Variants in NBPF4 observed in about 807,000 individuals in gnomAD.
NBPF4 encodes NBPF family member NBPF4.
A neutral mutation model predicts 21.1 loss-of-function variants in NBPF4; 11 were observed. That is an observed-to-expected ratio of 0.52 (90% CI 0.33 to 0.86). The LOEUF is 0.86. Ranked by LOEUF, NBPF4 falls within the 40% of genes least tolerant of loss-of-function variation. The pLI is 0.03. For synonymous variants in NBPF4, 47 were observed against 106.4 expected (o/e 0.44, Z 3.43); for missense variants, 88 against 265.3 (o/e 0.33, Z 4.64).
In NBPF4 at chr1:108,223,452, C is replaced by T. The variant is rs1388755760; in HGVS notation, c.*253G>A. The T allele has an allele frequency of 2.2e-6, 1 of 446,660 alleles. No individual in the cohort carries two copies. The highest frequency in any genetic ancestry group is 3.9e-5 in the Admixed American group (1 of 25,576). 27.7% of individuals were successfully genotyped at this position (446,660 alleles called of 1,614,324 possible). ...TCTCTACACGATGGGAATTGAGAAACAGGGCTAACGCCGGTCAATGCTATT... is the reference window on the plus strand; with the variant it reads ...TCTCTACACGATGGGAATTGAGAAATAGGGCTAACGCCGGTCAATGCTATT... On this transcript the variant is annotated 3_prime_UTR_variant, in exon 15 of 15. Transcript: ENST00000415641.
chr1:108,254,296 C>T, the NBPF4 span, among the ~76,000 whole-genome samples: 1 of 10,012 alleles, frequency 1.0e-4, no homozygotes, highest in Non-Finnish European at 1.8e-4. Flanking sequence ...AGGCTGGTCT[C>T]ATCCTCCTGA....
the NBPF4 span, among the ~76,000 whole-genome samples, chr1:108,265,022 G>T: frequency 6.6e-6 from 1 of 151,256 alleles, no homozygotes; most frequent in Non-Finnish European, 1.5e-5. Flanking sequence ...GCTAGCAGAA[G>T]ACAAGAAATA....
intron 12 of NBPF4, among the ~76,000 whole-genome samples, chr1:108,229,464 G>C (rs1401891780): frequency 6.6e-6 from 1 of 152,006 alleles, no homozygotes; most frequent in East Asian, 1.9e-4. Context: ...CCTGTGCCCA[G>C]AGGGAAAGTT....
the NBPF4 span, among the ~76,000 whole-genome samples, chr1:108,268,328 G>GA: frequency 6.7e-6 from 1 of 149,668 alleles, no homozygotes; most frequent in Non-Finnish European, 1.5e-5. Flanking sequence ...TAAGTTGGGA[G>GA]AAAATCAATG....
chr1:108,268,368 T>C, the NBPF4 span, among the ~76,000 whole-genome samples: 2 of 151,772 alleles, frequency 1.3e-5, no homozygotes, highest in African/African-American at 4.8e-5. Context: ...TAGAAAAAAG[T>C]AAGAAAGTTT....
At chr1:108,247,491 TG>T (rs1163777473), upstream of NBPF4, among the ~76,000 whole-genome samples, 6 of 152,084 alleles carry the variant, frequency 3.9e-5, no homozygotes, top group African/African-American at 1.4e-4. Flanking sequence ...TTACAGTTTA[TG>T]GGATGATTCT....
chr1:108,241,363 TAC>T (rs1320936790), intron 3 of NBPF4, among the ~76,000 whole-genome samples, 199 bp from the exon 4 acceptor site: 2 of 140,168 alleles, frequency 1.4e-5, no homozygotes, highest in Non-Finnish European at 1.5e-5. Context: ...CACACACACA[TAC>T]ATATATACAA....
chr1:108,243,894 C>CT lies in NBPF4; in HGVS notation c.-36+4dup, dbSNP rs1649758462. The CT allele has an allele frequency of 2.1e-6, 2 of 957,014 alleles. 1 individual carries two copies. The highest frequency in any genetic ancestry group is 2.7e-6 in the Non-Finnish European group (2 of 734,088). The allele number at this position is 957,014 out of a possible 1,614,324, so 59.3% of individuals were successfully genotyped here. On this transcript the variant is annotated splice_donor_region_variant and intron_variant, in intron 1 of 14. Transcript: ENST00000415641. ...AGATGACAATTACTGGAATTGTTAA[C>CT]TTACAGTTGAGAAAAAGTTGATGAA...
At chr1:108,265,466 TG>T in the NBPF4 span, among the ~76,000 whole-genome samples, 1 of 23,430 alleles carries the variant, frequency 4.3e-5, no homozygotes, top group Non-Finnish European at 9.0e-5. Flanking sequence ...GTTCAACCCT[TG>T]TGGAAGTCAG....
the NBPF4 span, among the ~76,000 whole-genome samples, chr1:108,268,503 A>G: frequency 3.3e-5 from 5 of 151,162 alleles, no homozygotes; most frequent in Non-Finnish European, 7.4e-5. Context: ...AATATTTTCT[A>G]AATTTTCAAG....
At chr1:108,257,334 C>T in the NBPF4 span, among the ~76,000 whole-genome samples, 2 of 147,530 alleles carry the variant, frequency 1.4e-5, no homozygotes, top group African/African-American at 5.0e-5. Flanking sequence ...AAACTTTTAT[C>T]TTTTCTTTGT....
the NBPF4 span, among the ~76,000 whole-genome samples, chr1:108,268,644 C>A: frequency 6.6e-6 from 1 of 150,428 alleles, no homozygotes; most frequent in East Asian, 2.0e-4. Context: ...CTCTATTTAG[C>A]TACATCAACT....
At chr1:108,257,437 A>G in the NBPF4 span, among the ~76,000 whole-genome samples, 2 of 151,340 alleles carry the variant, frequency 1.3e-5, no homozygotes, top group South Asian at 4.2e-4. Context: ...TGAATACTAG[A>G]ACTTACTCCT....
At chr1:108,250,300 ATTCT>A in the NBPF4 span, among the ~76,000 whole-genome samples, 2 of 129,154 alleles carry the variant, frequency 1.5e-5, no homozygotes, top group African/African-American at 5.8e-5. Flanking sequence ...GACAGCTTCA[ATTCT>A]TTCTTTTCAA....
chr1:108,229,267 C>T, intron 12 of NBPF4, 111 bp from the exon 13 acceptor site: 1 of 785,382 alleles, frequency 1.3e-6, no homozygotes, highest in Non-Finnish European at 2.1e-6. Flanking sequence ...CCCAGTGACC[C>T]ACGCCACACA....
At chr1:108,259,683 G>A in the NBPF4 span, among the ~76,000 whole-genome samples, 1 of 147,518 alleles carries the variant, frequency 6.8e-6, no homozygotes, top group African/African-American at 2.6e-5. Flanking sequence ...GATGAGCCTG[G>A]ACAACACAGT....
At chr1:108,266,773 GT>G in the NBPF4 span, among the ~76,000 whole-genome samples, 1 of 6,048 alleles carries the variant, frequency 1.7e-4, no homozygotes, top group Non-Finnish European at 3.1e-4. Context: ...TTAATTTAAA[GT>G]TTTAATTTCC....
At chr1:108,247,979 A>T (rs868692015), upstream of NBPF4, among the ~76,000 whole-genome samples, 2,829 of 145,068 alleles carry the variant, frequency 0.02, 27 homozygotes, top group African/African-American at 0.058. Context: ...ATTTCTGGCT[A>T]TTTTTTTTTT....
At chr1:108,241,403 C>G (rs1352820812) in intron 3 of NBPF4, among the ~76,000 whole-genome samples, 1 of 146,350 alleles carries the variant, frequency 6.8e-6, no homozygotes, top group African/African-American at 2.6e-5. Flanking sequence ...TATACAAACA[C>G]ACACACACAC....
Sources: allele counts gnomAD v4.1 joint callset (sites outside exome capture counted in the v4.1 genomes callset), GRCh38; gene constraint gnomAD v4.1.1; transcripts MANE v1.5; gene names NCBI Gene and HGNC (gene_info 2026-07-23, HGNC 2026-07-21).